The following CDH13 variants were observed in gnomAD, a reference collection of about 807,000 sequenced individuals.
CDH13 encodes the protein cadherin 13, also known as cadherin-13.
CDH13 carries 24 observed loss-of-function variants against 63.8 expected under a neutral mutation model. That is an observed-to-expected ratio of 0.38 (90% CI 0.27 to 0.53). CDH13 has a LOEUF of 0.53. Ranked by LOEUF, CDH13 falls within the 20% of genes least tolerant of loss-of-function variation. CDH13 has a pLI of 0.85. For missense variants in CDH13, 1,049 were observed against 903.1 expected (o/e 1.16, Z -2.07); for synonymous variants, 503 against 355.3 (o/e 1.42, Z -4.67).
chr16:83,767,074 C>G (rs1017485912), intron 11 of CDH13, among the ~76,000 whole-genome samples: 1 of 152,170 alleles, frequency 6.6e-6, no homozygotes, highest in Non-Finnish European at 1.5e-5. Flanking sequence ...TGAGAATGGA[C>G]TCATATACCA....
intron 1 of CDH13, among the ~76,000 whole-genome samples, chr16:82,804,063 A>T (rs1054793032): frequency 6.6e-6 from 1 of 152,092 alleles, no homozygotes; most frequent in Non-Finnish European, 1.5e-5. Context: ...CCTTGTCTCT[A>T]CTAAAAATAT....
chr16:83,626,482 A>G (rs777228374), intron 8 of CDH13, among the ~76,000 whole-genome samples: 3 of 152,192 alleles, frequency 2.0e-5, no homozygotes, highest in African/African-American at 4.8e-5. Context: ...CTGGGGACCT[A>G]AAGATGAGTA....
chr16:83,332,356 C>T (rs1212176247), intron 5 of CDH13, among the ~76,000 whole-genome samples: 2 of 152,048 alleles, frequency 1.3e-5, no homozygotes, highest in Non-Finnish European at 1.5e-5. Context: ...ATCTGGAATT[C>T]ATTAGACTAT....
chr16:83,151,307 C>A (rs989262787), intron 4 of CDH13, among the ~76,000 whole-genome samples: 1 of 152,144 alleles, frequency 6.6e-6, no homozygotes, highest in African/African-American at 2.4e-5. Context: ...ATGAAGATTT[C>A]CAGACTGTAC....
rs76301828 is a variant in CDH13 at position 82,852,502 on chromosome 16, G to A, written c.46-5860G>A. On this transcript the variant is annotated intron_variant, in intron 1 of 13. Transcript: ENST00000567109. Reference sequence around the variant, plus strand: ...ATCATGCAGGACATTCAGGGGCCATGTCTAGAAGACGTGAGAATCCTTCCA... The same window carrying A: ...ATCATGCAGGACATTCAGGGGCCATATCTAGAAGACGTGAGAATCCTTCCA... Among the ~76,000 whole-genome samples, 589 of 152,324 alleles carry A rather than the reference G, an allele frequency of 3.9e-3. 15 individuals are homozygous for A. Among genetic ancestry groups the A allele is most frequent in the Admixed American group, 0.031 (474 of 15,306 alleles).
At chr16:82,653,690 T>C (rs1380315114) in intron 1 of CDH13, among the ~76,000 whole-genome samples, 1 of 152,100 alleles carries the variant, frequency 6.6e-6, no homozygotes, top group Non-Finnish European at 1.5e-5. Context: ...GTGCATGTCA[T>C]GTTGAGAAAC....
chr16:83,057,057 C>T (rs2031020029), intron 3 of CDH13, among the ~76,000 whole-genome samples: 1 of 152,146 alleles, frequency 6.6e-6, no homozygotes, highest in South Asian at 2.1e-4. Context: ...ACCTCTGACT[C>T]CCTGGTTCAA....
chr16:82,656,711 A>G (rs975722881), intron 1 of CDH13, among the ~76,000 whole-genome samples: 1 of 152,186 alleles, frequency 6.6e-6, no homozygotes, highest in Non-Finnish European at 1.5e-5. Context: ...GTACAGCCCT[A>G]AAATACTTGC....
intron 10 of CDH13, among the ~76,000 whole-genome samples, chr16:83,738,105 T>C (rs13335487): frequency 0.22 from 34,108 of 152,094 alleles, 4,203 homozygotes; most frequent in East Asian, 0.55. Flanking sequence ...CAATGCATGA[T>C]TTACGATGTG....
chr16:83,299,944 C>G (rs1029504452), intron 5 of CDH13, among the ~76,000 whole-genome samples: 2 of 152,194 alleles, frequency 1.3e-5, no homozygotes, highest in Non-Finnish European at 2.9e-5. Context: ...CAGATGAGGG[C>G]AAGGTCTACC....
chr16:83,263,410 A>G (rs1907214980), intron 5 of CDH13, among the ~76,000 whole-genome samples: 1 of 152,140 alleles, frequency 6.6e-6, no homozygotes, highest in South Asian at 2.1e-4. Context: ...CTTTTAGGAA[A>G]TATCCATTTC....
intron 5 of CDH13, among the ~76,000 whole-genome samples, chr16:83,310,753 G>A (rs974570859): frequency 5.3e-5 from 8 of 152,174 alleles, no homozygotes; most frequent in Non-Finnish European, 1.0e-4. Flanking sequence ...CTGCCCTAGA[G>A]CTAAAATTCC....
chr16:83,283,596 CA>C (rs1364729454), intron 5 of CDH13, among the ~76,000 whole-genome samples: 1 of 152,076 alleles, frequency 6.6e-6, no homozygotes, highest in South Asian at 2.1e-4. Flanking sequence ...ATCTCAGAAA[CA>C]AAAATTTCCA....
chr16:83,272,310 G>C (rs745493362), intron 5 of CDH13, among the ~76,000 whole-genome samples: 7 of 152,236 alleles, frequency 4.6e-5, no homozygotes, highest in Non-Finnish European at 8.8e-5. Context: ...ATCTGGACAA[G>C]AAATGCTTGT....
chr16:83,758,970 A>T (rs1913734420), intron 11 of CDH13, among the ~76,000 whole-genome samples: 1 of 152,192 alleles, frequency 6.6e-6, no homozygotes, highest in African/African-American at 2.4e-5. Flanking sequence ...TTTCAAACCG[A>T]CCTGAGGGAT....
chr16:83,078,269 T>C (rs1342766685), intron 3 of CDH13, among the ~76,000 whole-genome samples: 1 of 152,158 alleles, frequency 6.6e-6, no homozygotes, highest in African/African-American at 2.4e-5. Context: ...CTCTGTTCTG[T>C]AAACAAGCAG....
chr16:83,036,775 C>T (rs535920992), intron 3 of CDH13, among the ~76,000 whole-genome samples: 154 of 152,260 alleles, frequency 1.0e-3, no homozygotes, highest in Admixed American at 2.2e-3. Context: ...AGATGCAATT[C>T]ATCTTCTCAT....
At chr16:83,515,000 T>C (rs947453037) in intron 7 of CDH13, among the ~76,000 whole-genome samples, 1 of 152,186 alleles carries the variant, frequency 6.6e-6, no homozygotes, top group Non-Finnish European at 1.5e-5. Context: ...AAAGATCATG[T>C]CTTACCCAGG....
intron 2 of CDH13, among the ~76,000 whole-genome samples, chr16:82,997,468 TAAA>T (rs1912374962): frequency 6.6e-6 from 1 of 152,180 alleles, no homozygotes; most frequent in Admixed American, 6.5e-5. Context: ...TTTATAAAAA[TAAA>T]AATTAGTGCA....
Sources: allele counts gnomAD v4.1 joint callset (sites outside exome capture counted in the v4.1 genomes callset), GRCh38; gene constraint gnomAD v4.1.1; transcripts MANE v1.5; gene names NCBI Gene and HGNC (gene_info 2026-07-23, HGNC 2026-07-21).